CHIA: variants seen among roughly 807,000 people sequenced by gnomAD.
CHIA encodes chitinase acidic.
Under a neutral mutation model 53.5 loss-of-function variants are expected in CHIA, and 47 were observed. The ratio of observed to expected loss-of-function variants is 0.88; its 90% CI spans 0.70 to 1.12. The LOEUF is 1.12. Ranked by LOEUF, CHIA falls within the 50% of genes most tolerant of loss-of-function variation. The probability of loss-of-function intolerance (pLI) is 0.00; values close to 1 mark genes in which losing one functional copy is unlikely to be tolerated. For synonymous variants in CHIA, 268 were observed against 222.2 expected (o/e 1.21, Z -1.83); for missense variants, 652 against 592.2 (o/e 1.10, Z -1.05).
At chr1:111,306,388 C>A (rs189771820) in intron 1 of CHIA, among the ~76,000 whole-genome samples, 1 of 151,918 alleles carries the variant, frequency 6.6e-6, no homozygotes, top group Non-Finnish European at 1.5e-5. Context: ...TATGCTGGGG[C>A]AAGTAGTTAC....
At chr1:111,292,285 A>G (rs1481895817) in intron 1 of CHIA, among the ~76,000 whole-genome samples, 1 of 152,222 alleles carries the variant, frequency 6.6e-6, no homozygotes, top group Non-Finnish European at 1.5e-5. Context: ...ACATGAGGAA[A>G]TTGAGGTTCA....
chr1:111,313,803 A>C (rs1439619355), intron 4 of CHIA, among the ~76,000 whole-genome samples: 1 of 152,146 alleles, frequency 6.6e-6, no homozygotes, highest in Non-Finnish European at 1.5e-5. Flanking sequence ...ATCCATTCTG[A>C]GTTGACTTTG....
rs140031055 is a variant in CHIA at position 111,315,338 on chromosome 1, G to T, written c.383G>T (p.Arg128Leu). 7 of 1,613,634 alleles carry T rather than the reference G, an allele frequency of 4.3e-6. No homozygotes were observed. Among genetic ancestry groups the T allele is most frequent in the Non-Finnish European group, 5.9e-6 (7 of 1,179,864 alleles). Residue 128 changes from arginine to leucine, a missense_variant, in exon 6 of 12, where the codon CGC becomes CTC. Transcript: ENST00000369740. ...TFITSVIKFL[R>L]QYEFDGLDFD... Reference sequence around the variant, plus strand: ...ATCACCTCAGTCATCAAATTCCTGCGCCAGTATGAGTTTGACGGGCTGGAC... The same window carrying T: ...ATCACCTCAGTCATCAAATTCCTGCTCCAGTATGAGTTTGACGGGCTGGAC...
In CHIA at chr1:111,315,438, G is replaced by T. The variant is rs74456930; in HGVS notation, c.480+3G>T. 5.2e-5 allele frequency: 84 copies of T among 1,610,386 alleles called. No individual in the cohort carries two copies. The African/African-American group carries it at 1.1e-3, about 20-fold the overall frequency. On this transcript the variant is annotated splice_donor_region_variant and intron_variant, in intron 6 of 11. Transcript: ENST00000369740. Reference sequence around the variant, plus strand: ...ATCTCTTCACTGTCCTGGTGCAGGTGGGGAAGGAAGTCCCAGTCTTTAGCC... The same window carrying T: ...ATCTCTTCACTGTCCTGGTGCAGGTTGGGAAGGAAGTCCCAGTCTTTAGCC...
chr1:111,316,854 G>C (rs1323445352), intron 6 of CHIA: 1 of 152,154 alleles, frequency 6.6e-6, no homozygotes, highest in African/African-American at 2.4e-5. Flanking sequence ...TTACTTACTT[G>C]TTGAATTGCC....
chr1:111,308,004 TAAAA>T lies in CHIA; in HGVS notation c.-68-2394_-68-2391del, dbSNP rs1648334276. On this transcript the variant is annotated intron_variant, in intron 1 of 11. Coordinates refer to ENST00000369740, the MANE Select transcript of CHIA (RefSeq NM_201653.4). ...TGGTAGATTTTACAATTAAAGAAAC[TAAAA>T]ATAATACAAGGTTATTGAAAACAAT... Among the ~76,000 whole-genome samples, 3 of 152,284 alleles carry T rather than the reference TAAAA, an allele frequency of 2.0e-5. No homozygotes were observed. The South Asian group carries it at 6.2e-4, about 32-fold the overall frequency.
chr1:111,311,776 T>C (rs117557502), intron 3 of CHIA, 58 bp downstream of exon 3: 2 of 1,568,890 alleles, frequency 1.3e-6, no homozygotes, highest in African/African-American at 1.4e-5. Context: ...TAAACCATAC[T>C]ATGGAAAGAG....
chr1:111,312,936 C>G (rs1571294145), intron 4 of CHIA, among the ~76,000 whole-genome samples: 1 of 152,270 alleles, frequency 6.6e-6, no homozygotes, highest in East Asian at 1.9e-4. Context: ...TCTCACTTAA[C>G]ATAATATCCT....
Position 111,318,429 on chromosome 1 carries a change from T to C in CHIA, c.730-64T>C, listed in dbSNP as rs1571305123. On this transcript the variant is annotated intron_variant, in intron 8 of 11. Transcript: ENST00000369740. ...AGTTTTACCTGTCGGAATAGGGGAC[T>C]AATATAACTAAGTACTGGGTCCTCA... The C allele has an allele frequency of 9.8e-6, 13 of 1,332,524 alleles. No homozygotes were observed. In the East Asian group the frequency reaches 2.8e-4, roughly 28 times the overall value. 82.5% of individuals were successfully genotyped at this position (1,332,524 alleles called of 1,614,324 possible). A position where few individuals can be genotyped will look rare whatever the true frequency, so the allele number is the denominator to read the frequency against.
At chr1:111,297,051 G>T (rs1488021258) in intron 1 of CHIA, among the ~76,000 whole-genome samples, 1 of 152,262 alleles carries the variant, frequency 6.6e-6, no homozygotes, top group Non-Finnish European at 1.5e-5. Context: ...AACAAACAAA[G>T]CCTCCAAGAA....
At chr1:111,310,053 CTAA>C (rs1648534839) in intron 1 of CHIA, among the ~76,000 whole-genome samples, 1 of 152,174 alleles carries the variant, frequency 6.6e-6, no homozygotes, top group Non-Finnish European at 1.5e-5. Flanking sequence ...TTAAGAACAG[CTAA>C]TAACTTCCAA....
intron 2 of CHIA, 69 bp downstream of exon 2, chr1:111,310,561 T>C (rs1648583874): frequency 6.2e-7 from 1 of 1,611,528 alleles, no homozygotes; most frequent in Non-Finnish European, 8.5e-7. Context: ...GCTCTGAAAA[T>C]CATGAAGTGG....
intron 1 of CHIA, among the ~76,000 whole-genome samples, chr1:111,307,797 A>G (rs1648310699): frequency 6.6e-6 from 1 of 152,054 alleles, no homozygotes; most frequent in South Asian, 2.1e-4. Context: ...ACCTGCCACC[A>G]CACCCAGCTA....
intron 1 of CHIA, among the ~76,000 whole-genome samples, chr1:111,309,714 T>C (rs773405569): frequency 1.3e-5 from 2 of 152,230 alleles, no homozygotes; most frequent in Non-Finnish European, 2.9e-5. Context: ...TTAATTTAAA[T>C]ACAAAGTTCC....
At chr1:111,312,051 G>T in intron 3 of CHIA, 139 bp from the exon 4 acceptor site, 1 of 680,146 alleles carries the variant, frequency 1.5e-6, no homozygotes. Flanking sequence ...GCATTTGCAA[G>T]AGTGTTCATA....
intron 1 of CHIA, among the ~76,000 whole-genome samples, chr1:111,299,321 T>G (rs565492704): frequency 6.6e-6 from 1 of 152,254 alleles, no homozygotes; most frequent in Admixed American, 6.5e-5. Flanking sequence ...CTGATGACCA[T>G]TGATGCAAAA....
At position 111,319,249 on chromosome 1, in the gene CHIA, G is replaced by T; in HGVS notation, c.1035+10G>T. 2.5e-6 allele frequency: 4 copies of T among 1,614,194 alleles called. No homozygotes were observed. The highest frequency in any genetic ancestry group is 2.5e-6 in the Non-Finnish European group (3 of 1,180,022). On this transcript the variant is annotated intron_variant, in intron 10 of 11. Coordinates refer to ENST00000369740, the MANE Select transcript of CHIA (RefSeq NM_201653.4). ...GAGCTTCGATATTAAGGTAAGATCAGTCCCTTAAATGTGCTGAGGTCCCAG... is the reference window on the plus strand; with the variant it reads ...GAGCTTCGATATTAAGGTAAGATCATTCCCTTAAATGTGCTGAGGTCCCAG...
chr1:111,302,033 C>A (rs190783060), intron 1 of CHIA, among the ~76,000 whole-genome samples: 4 of 152,148 alleles, frequency 2.6e-5, no homozygotes, highest in Non-Finnish European at 5.9e-5. Context: ...TGCACATGTA[C>A]CCTAGAACTT....
At chr1:111,313,512 C>G (rs186660060) in intron 4 of CHIA, among the ~76,000 whole-genome samples, 2 of 152,182 alleles carry the variant, frequency 1.3e-5, no homozygotes, top group East Asian at 3.9e-4. Flanking sequence ...TTTCTTACTA[C>G]TGAGTTGTAT....
Sources: allele counts gnomAD v4.1 joint callset (sites outside exome capture counted in the v4.1 genomes callset), GRCh38; gene constraint gnomAD v4.1.1; transcripts MANE v1.5; gene names NCBI Gene and HGNC (gene_info 2026-07-23, HGNC 2026-07-21).